Variants in CDH12 observed in about 807,000 individuals in gnomAD.
The protein encoded by CDH12 is cadherin 12.
In CDH12, 41 loss-of-function variants were observed where a neutral mutation model predicts 74.1. The ratio of observed to expected loss-of-function variants is 0.55; its 90% confidence interval spans 0.43 to 0.72. The LOEUF is 0.72. Ranked by LOEUF, CDH12 falls within the 30% of genes least tolerant of loss-of-function variation. CDH12 has a pLI of 0.00. For synonymous variants in CDH12, 399 were observed against 355.0 expected (o/e 1.12, Z -1.39); for missense variants, 945 against 977.2 (o/e 0.97, Z 0.44).
intron 4 of CDH12, among the ~76,000 whole-genome samples, chr5:22,079,439 A>T (rs1209376476): frequency 6.6e-6 from 1 of 152,220 alleles, no homozygotes; most frequent in Non-Finnish European, 1.5e-5. Context: ...TTTAAAAAGC[A>T]AAAAGTTCCT....
intron 1 of CDH12, among the ~76,000 whole-genome samples, chr5:22,610,127 A>G (rs1467089214): frequency 6.6e-6 from 1 of 152,218 alleles, no homozygotes; most frequent in Non-Finnish European, 1.5e-5. Flanking sequence ...GTTTTGTTCA[A>G]TGGAAACTTC....
chr5:22,426,194 GAAAAA>G (rs57971427), intron 2 of CDH12, among the ~76,000 whole-genome samples: 1 of 129,018 alleles, frequency 7.8e-6, no homozygotes, highest in African/African-American at 2.9e-5. Context: ...TCAAAAAAAA[GAAAAA>G]AAAAAAAAAA....
intron 3 of CDH12, among the ~76,000 whole-genome samples, chr5:22,352,572 C>G (rs541144384): frequency 6.6e-6 from 1 of 152,058 alleles, no homozygotes; most frequent in Admixed American, 6.6e-5. Flanking sequence ...GAGAGAGAGA[C>G]AACGTTATAA....
intron 1 of CDH12, among the ~76,000 whole-genome samples, chr5:22,653,728 C>T (rs915911566): frequency 2.0e-5 from 3 of 152,170 alleles, no homozygotes; most frequent in Non-Finnish European, 2.9e-5. Flanking sequence ...TCTAATCCTC[C>T]AATAGCTTCC....
chr5:22,360,286 G>A lies in CDH12; in HGVS notation c.-333+44971C>T, dbSNP rs566289062. Among the ~76,000 whole-genome samples, 744 of 152,298 alleles carry A rather than the reference G, an allele frequency of 4.9e-3. 6 individuals are homozygous for A. Among genetic ancestry groups the A allele is most frequent in the African/African-American group, 0.016 (679 of 41,586 alleles). On this transcript the variant is annotated intron_variant, in intron 3 of 14. Transcript: ENST00000382254. ...CCCACAGAAATACAAAGTACCATCAGAGAATACTATAAACACCTCTACACA... is the reference window on the plus strand; with the variant it reads ...CCCACAGAAATACAAAGTACCATCAAAGAATACTATAAACACCTCTACACA...
intron 3 of CDH12, among the ~76,000 whole-genome samples, chr5:22,309,054 C>G (rs1738268528): frequency 6.6e-6 from 1 of 151,874 alleles, no homozygotes; most frequent in African/African-American, 2.4e-5. Context: ...AAGACAGAAC[C>G]ATACAAAAAT....
intron 6 of CDH12, among the ~76,000 whole-genome samples, chr5:21,895,118 T>C (rs1001391366): frequency 2.0e-5 from 3 of 151,718 alleles, no homozygotes; most frequent in Admixed American, 6.6e-5. Flanking sequence ...GCGCTCACTA[T>C]AAAGGGACAG....
At position 22,554,900 on chromosome 5, in the gene CDH12, C is replaced by T. The variant is rs185048441; in HGVS notation, c.-522-49536G>A. 5.4e-3 allele frequency among the ~76,000 whole-genome samples: 825 copies of T among 152,188 alleles called. 9 individuals are homozygous for T. The highest frequency in any genetic ancestry group is 9.0e-3 in the Non-Finnish European group (611 of 67,968). On this transcript the variant is annotated intron_variant, in intron 1 of 14. Transcript: ENST00000382254. Reference sequence around the variant, plus strand: ...ATTATTGTGATCCACGTATTTGTTACCCTCTCAAGCACACTTAATCATGTG... The same window carrying T: ...ATTATTGTGATCCACGTATTTGTTATCCTCTCAAGCACACTTAATCATGTG...
At chr5:22,436,499 C>T (rs1744401054) in intron 2 of CDH12, among the ~76,000 whole-genome samples, 1 of 151,588 alleles carries the variant, frequency 6.6e-6, no homozygotes, top group Admixed American at 6.6e-5. Flanking sequence ...ACTCTGCTCC[C>T]TGAATGCTCA....
chr5:22,344,370 A>G (rs1215632883), intron 3 of CDH12, among the ~76,000 whole-genome samples: 1 of 152,214 alleles, frequency 6.6e-6, no homozygotes, highest in African/African-American at 2.4e-5. Flanking sequence ...TTAAAATTTC[A>G]TATACCAGGG....
At chr5:22,218,554 G>T (rs1236812907) in intron 3 of CDH12, among the ~76,000 whole-genome samples, 1 of 151,706 alleles carries the variant, frequency 6.6e-6, no homozygotes, top group African/African-American at 2.4e-5. Flanking sequence ...CAGAAAACAG[G>T]TAACTGGTTG....
chr5:22,163,072 AT>A (rs1244554174), intron 4 of CDH12, among the ~76,000 whole-genome samples: 2 of 151,610 alleles, frequency 1.3e-5, no homozygotes, highest in African/African-American at 4.8e-5. Flanking sequence ...AATTTTTTGT[AT>A]TTTTAGTAGA....
chr5:21,950,757 T>TTTTTTA lies in CDH12; in HGVS notation c.526+24333_526+24334insTAAAAA, dbSNP rs369699094. Among the ~76,000 whole-genome samples, 1,026 of 136,972 alleles carry TTTTTTA rather than the reference T, an allele frequency of 7.5e-3. 10 individuals carry two copies. The highest frequency in any genetic ancestry group is 0.019 in the Admixed American group (252 of 13,312). 89.9% of individuals were successfully genotyped at this position (136,972 alleles called of 152,430 possible). A position where few individuals can be genotyped will look rare whatever the true frequency, so the allele number is the denominator to read the frequency against. ...AATATATCAGCTACATAAATTTTAT[T>TTTTTTA]TTATTATTATTATTATTATTATTAT... On this transcript the variant is annotated intron_variant, in intron 6 of 14. Transcript: ENST00000382254.
intron 1 of CDH12, among the ~76,000 whole-genome samples, chr5:22,529,186 T>G (rs201799136): frequency 0.078 from 5,396 of 68,934 alleles, 116 homozygotes; most frequent in Non-Finnish European, 0.11. Flanking sequence ...TATATATATA[T>G]ATAGAGAGAG....
chr5:21,871,926 A>C (rs1483427963), intron 6 of CDH12, among the ~76,000 whole-genome samples: 1 of 152,160 alleles, frequency 6.6e-6, no homozygotes, highest in Non-Finnish European at 1.5e-5. Flanking sequence ...ATATATTTAA[A>C]ATATATTAAA....
chr5:22,249,646 A>G (rs1753070627), intron 3 of CDH12, among the ~76,000 whole-genome samples: 1 of 152,202 alleles, frequency 6.6e-6, no homozygotes, highest in Non-Finnish European at 1.5e-5. Flanking sequence ...GGAATCATCA[A>G]CCGACTCTAT....
chr5:22,418,739 C>G (rs1158398833), intron 2 of CDH12, among the ~76,000 whole-genome samples: 1 of 152,044 alleles, frequency 6.6e-6, no homozygotes, highest in South Asian at 2.1e-4. Flanking sequence ...CAAAAACTAG[C>G]CCGGCATGGT....
intron 4 of CDH12, among the ~76,000 whole-genome samples, chr5:22,083,269 T>G (rs1051941282): frequency 2.0e-5 from 3 of 152,232 alleles, no homozygotes; most frequent in African/African-American, 7.2e-5. Flanking sequence ...GACCTCTGCA[T>G]GTTCAACCCT....
At chr5:22,765,439 T>C (rs993558472) in intron 1 of CDH12, among the ~76,000 whole-genome samples, 2 of 151,986 alleles carry the variant, frequency 1.3e-5, no homozygotes, top group African/African-American at 4.8e-5. Flanking sequence ...TGGTTGAATA[T>C]AAAAATATCT....
Sources: allele counts gnomAD v4.1 joint callset (sites outside exome capture counted in the v4.1 genomes callset), GRCh38; gene constraint gnomAD v4.1.1; transcripts MANE v1.5; gene names NCBI Gene and HGNC (gene_info 2026-07-23, HGNC 2026-07-21).